Variants in NEDD9 observed in about 807,000 individuals in gnomAD.
The protein encoded by NEDD9 is neural precursor cell expressed, developmentally down-regulated 9.
In NEDD9, 26 loss-of-function variants were observed where a neutral mutation model predicts 76.6. That is an observed-to-expected ratio of 0.34 (90% confidence interval 0.25 to 0.47). The LOEUF (loss-of-function observed/expected upper bound fraction) is 0.47. Among genes scored for constraint, NEDD9 ranks in the 20% least tolerant of loss-of-function variants. The pLI, the probability that NEDD9 is intolerant of heterozygous loss-of-function variation, is 1.00. For missense variants in NEDD9, 937 were observed against 1,058.5 expected (o/e 0.89, Z 1.59); for synonymous variants, 392 against 414.2 (o/e 0.95, Z 0.65).
intron 3 of NEDD9, among the ~76,000 whole-genome samples, chr6:11,246,575 C>T (rs1759816911): frequency 6.6e-6 from 1 of 152,192 alleles, no homozygotes; most frequent in African/African-American, 2.4e-5. Flanking sequence ...ATGAAGCCTG[C>T]CTCGAATTTT....
chr6:11,287,599 GT>G (rs751925954), intron 3 of NEDD9, among the ~76,000 whole-genome samples: 1 of 152,100 alleles, frequency 6.6e-6, no homozygotes, highest in African/African-American at 2.4e-5. Context: ...ACGGTCTTGA[GT>G]TTTTAGGCAA....
rs1759679237 is a variant in NEDD9 at position 11,239,988 on chromosome 6, G to C, written c.13-26261C>G. Among the ~76,000 whole-genome samples, 2 of 148,522 alleles carry C rather than the reference G, an allele frequency of 1.3e-5. 1 individual carries two copies. Among genetic ancestry groups the C allele is most frequent in the Admixed American group, 1.4e-4 (2 of 14,660 alleles). ...GAACCCGGGAGGCGGAGATTTCAGT[G>C]AGCCAAGATCGAGCCACTGCACTCC... On this transcript the variant is annotated intron_variant, in intron 3 of 3. Coordinates refer to the NEDD9 transcript ENST00000397378.
In NEDD9 at chr6:11,312,710, A is replaced by T. The variant is rs571493181; in HGVS notation, c.-152-6555T>A. ...ATATATATTATATATATATATATAT[A>T]TTTTTAAAGAGTCTTTGTCTTTTGA... On this transcript the variant is annotated intron_variant, in intron 2 of 3. Transcript: ENST00000397378. Among the ~76,000 whole-genome samples the T allele has an allele frequency of 7.9e-3, 1,131 of 143,656 alleles. 9 individuals are homozygous for T. The highest frequency in any genetic ancestry group is 0.023 in the Middle Eastern group (6 of 266). 94.2% of individuals were successfully genotyped at this position (143,656 alleles called of 152,430 possible). A position where few individuals can be genotyped will look rare whatever the true frequency, so the allele number is the denominator to read the frequency against.
chr6:11,219,559 A>C (rs565464412), intron 1 of NEDD9, among the ~76,000 whole-genome samples: 1 of 152,364 alleles, frequency 6.6e-6, no homozygotes, highest in South Asian at 2.1e-4. Flanking sequence ...GCGCAAATGC[A>C]TGCATGCAGA....
chr6:11,335,592 C>T (rs529250048), intron 1 of NEDD9, among the ~76,000 whole-genome samples: 1 of 152,202 alleles, frequency 6.6e-6, no homozygotes, highest in East Asian at 1.9e-4. Flanking sequence ...TCTCGCCAAC[C>T]GACTACCACT....
intron 2 of NEDD9, among the ~76,000 whole-genome samples, chr6:11,325,690 T>A (rs1333953109): frequency 1.3e-5 from 2 of 152,238 alleles, no homozygotes; most frequent in Non-Finnish European, 2.9e-5. Flanking sequence ...TTTTAGTACC[T>A]TTCACAGCAG....
chr6:11,243,335 G>T (rs1161974092), intron 3 of NEDD9, among the ~76,000 whole-genome samples: 1 of 152,210 alleles, frequency 6.6e-6, no homozygotes, highest in Non-Finnish European at 1.5e-5. Context: ...AAGCCTTGAT[G>T]ATGATGATGA....
At chr6:11,278,948 G>C (rs902383363) in intron 3 of NEDD9, among the ~76,000 whole-genome samples, 11 of 152,048 alleles carry the variant, frequency 7.2e-5, no homozygotes, top group Admixed American at 4.6e-4. Context: ...GGGGGAAAAA[G>C]GTTCTGATCT....
rs532935700 is a variant in NEDD9 at position 11,273,508 on chromosome 6, C to T, written c.12+32484G>A. On this transcript the variant is annotated intron_variant, in intron 3 of 3. Transcript: ENST00000397378. Reference sequence around the variant, plus strand: ...GCCACCGATGCTGAGGTGCGAACGGCCGGGGACTGCGCCTATCTGTGTGCG... The same window carrying T: ...GCCACCGATGCTGAGGTGCGAACGGTCGGGGACTGCGCCTATCTGTGTGCG... Among the ~76,000 whole-genome samples, 7 of 152,362 alleles carry T rather than the reference C, an allele frequency of 4.6e-5. No homozygotes were observed. In the East Asian group the frequency reaches 1.2e-3, roughly 25 times the overall value.
chr6:11,367,125 T>C (rs1289377346), intron 1 of NEDD9, among the ~76,000 whole-genome samples: 1 of 152,232 alleles, frequency 6.6e-6, no homozygotes, highest in Non-Finnish European at 1.5e-5. Flanking sequence ...CAGTGGACTC[T>C]ATGATTGGTC....
chr6:11,351,858 C>T (rs1762479057), intron 1 of NEDD9, among the ~76,000 whole-genome samples: 1 of 152,212 alleles, frequency 6.6e-6, no homozygotes, highest in Non-Finnish European at 1.5e-5. Context: ...ATTATAGGGG[C>T]CTCAGCCATG....
chr6:11,337,966 G>T (rs774202120), intron 1 of NEDD9, among the ~76,000 whole-genome samples: 3 of 152,120 alleles, frequency 2.0e-5, no homozygotes, highest in Non-Finnish European at 4.4e-5. Flanking sequence ...GTGCTTCATA[G>T]ACACATAGCA....
chr6:11,293,311 G>T (rs768107027), intron 3 of NEDD9, among the ~76,000 whole-genome samples: 18 of 152,050 alleles, frequency 1.2e-4, no homozygotes, highest in Non-Finnish European at 2.4e-4. Context: ...CAAACAGCAA[G>T]ATAGAGATTT....
chr6:11,202,635 A>G (rs1050258092), intron 2 of NEDD9, among the ~76,000 whole-genome samples: 1 of 152,236 alleles, frequency 6.6e-6, no homozygotes, highest in Non-Finnish European at 1.5e-5. Context: ...CATTCTGCCC[A>G]GCTTGGGTGT....
chr6:11,300,402 G>A (rs1369747036), intron 3 of NEDD9, among the ~76,000 whole-genome samples: 5 of 152,194 alleles, frequency 3.3e-5, no homozygotes, highest in South Asian at 2.1e-4. Context: ...GTACCTGAAA[G>A]TGACGGGAAG....
chr6:11,309,664 T>A (rs1490344360), intron 2 of NEDD9, among the ~76,000 whole-genome samples: 6 of 152,330 alleles, frequency 3.9e-5, no homozygotes, highest in Middle Eastern at 3.4e-3. Context: ...GTATTTTTTT[T>A]AAATGTTGAC....
intron 3 of NEDD9, among the ~76,000 whole-genome samples, chr6:11,276,834 A>G (rs937895149): frequency 6.6e-5 from 10 of 152,174 alleles, no homozygotes; most frequent in Admixed American, 3.9e-4. Flanking sequence ...TGCATATGTG[A>G]TGGGAAAGAG....
intron 1 of NEDD9, among the ~76,000 whole-genome samples, chr6:11,225,791 G>A (rs924066828): frequency 1.7e-4 from 25 of 144,642 alleles, no homozygotes; most frequent in African/African-American, 5.5e-4. Flanking sequence ...GTGAGCCACC[G>A]CGCCCGGCCT....
intron 1 of NEDD9, among the ~76,000 whole-genome samples, chr6:11,366,792 C>T (rs989367748): frequency 6.6e-6 from 1 of 152,184 alleles, no homozygotes; most frequent in African/African-American, 2.4e-5. Flanking sequence ...AGTTGCCCAA[C>T]TTCATGTGAG....
Sources: gnomAD v4.1 joint callset for allele counts (sites outside exome capture counted in the v4.1 genomes callset) on GRCh38, gnomAD v4.1.1 for gene constraint, MANE v1.5 for transcripts, NCBI Gene and HGNC (gene_info 2026-07-23, HGNC 2026-07-21) for gene names.